LAMA2: variants seen among roughly 807,000 people sequenced by gnomAD.
LAMA2 encodes the protein laminin subunit alpha-2.
A neutral mutation model predicts 364.8 loss-of-function variants in LAMA2; 269 were observed. That is an observed-to-expected ratio of 0.74 (90% CI 0.67 to 0.82). The LOEUF is 0.82. Among genes scored for constraint, LAMA2 ranks in the 40% least tolerant of loss-of-function variants. LAMA2 has a pLI of 0.00. For synonymous variants in LAMA2, 1,379 were observed against 1,370.6 expected, an observed-to-expected ratio of 1.01 and a Z score of -0.14; for missense variants, 3,807 against 3,873.2, an observed-to-expected ratio of 0.98 and a Z score of 0.45.
chr6:129,353,266 CA>C lies in LAMA2; in HGVS notation c.4627del (p.Thr1543GlnfsTer52), dbSNP rs1562486561. 1 of 1,614,028 alleles carries C rather than the reference CA, an allele frequency of 6.2e-7. No homozygotes were observed. The highest frequency in any genetic ancestry group is 8.5e-7 in the Non-Finnish European group (1 of 1,179,948). Reference sequence around the variant, plus strand: ...CACTGCCTGTGCCCTGTGACCCTGTCACAGGATTCTGCACGTGCCGACCTGG... The same window carrying C: ...CACTGCCTGTGCCCTGTGACCCTGTCCAGGATTCTGCACGTGCCGACCTGG... ...GSLPVPCDPV[T>X]GFCTCRPGAT... On this transcript the variant is annotated frameshift_variant, in exon 32 of 65. Transcript: ENST00000421865. LOFTEE classifies it high-confidence loss of function.
intron 12 of LAMA2, among the ~76,000 whole-genome samples, chr6:129,205,478 G>GTATATATATATATATA (rs749614184): frequency 0.014 from 1,657 of 115,412 alleles, 67 homozygotes; most frequent in African/African-American, 0.068. Flanking sequence ...TATTCTGTAA[G>GTATATATATATATATA]TATATATATA....
chr6:129,508,159 C>A (rs1228989822), intron 62 of LAMA2, among the ~76,000 whole-genome samples: 3 of 152,190 alleles, frequency 2.0e-5, no homozygotes, highest in Non-Finnish European at 4.4e-5. Flanking sequence ...GGTTTTATAT[C>A]ACTGGTCATG....
chr6:129,088,792 G>A (rs1774598755), intron 3 of LAMA2, among the ~76,000 whole-genome samples: 1 of 152,092 alleles, frequency 6.6e-6, no homozygotes, highest in Non-Finnish European at 1.5e-5. Context: ...TTCCTAGACG[G>A]GATGGCGGTC....
At chr6:129,014,932 G>A (rs544621291) in intron 1 of LAMA2, among the ~76,000 whole-genome samples, 60 of 151,828 alleles carry the variant, frequency 4.0e-4, no homozygotes, top group Admixed American at 9.2e-4. Context: ...AGTATATCAC[G>A]TATTATATTT....
At chr6:129,379,078 A>G (rs1053835359) in intron 34 of LAMA2, among the ~76,000 whole-genome samples, 1 of 152,198 alleles carries the variant, frequency 6.6e-6, no homozygotes, top group African/African-American at 2.4e-5. Flanking sequence ...GAGCTGGAGG[A>G]CATTACCCTT....
intron 1 of LAMA2, among the ~76,000 whole-genome samples, chr6:128,905,193 T>C (rs772797954): frequency 6.6e-6 from 1 of 152,212 alleles, no homozygotes; most frequent in Admixed American, 6.5e-5. Flanking sequence ...AAATCAATCT[T>C]TGGGGTAACT....
intron 29 of LAMA2, among the ~76,000 whole-genome samples, chr6:129,341,457 C>A (rs1776263550): frequency 6.6e-6 from 1 of 152,156 alleles, no homozygotes; most frequent in South Asian, 2.1e-4. Context: ...CTTCCTTTTT[C>A]TCAACTCTCA....
At chr6:128,920,641 C>T (rs1778642618) in intron 1 of LAMA2, among the ~76,000 whole-genome samples, 1 of 150,302 alleles carries the variant, frequency 6.7e-6, no homozygotes, top group Non-Finnish European at 1.5e-5. Flanking sequence ...TCTCTAGGGC[C>T]TTATAAGTAT....
At chr6:129,502,941 A>G (rs2114889977) in intron 59 of LAMA2, 150 bp from the exon 60 acceptor site, 2 of 906,404 alleles carry the variant, frequency 2.2e-6, no homozygotes, top group Non-Finnish European at 3.5e-6. Flanking sequence ...GAGGAGCCCA[A>G]TTTAGGAAAT....
chr6:129,474,878 T>G (rs1339046331), intron 52 of LAMA2, among the ~76,000 whole-genome samples: 1 of 152,168 alleles, frequency 6.6e-6, no homozygotes, highest in Non-Finnish European at 1.5e-5. Flanking sequence ...GGCACATTAT[T>G]TCAAAACAGC....
chr6:129,204,140 A>G (rs1782471116), intron 12 of LAMA2, among the ~76,000 whole-genome samples: 1 of 152,254 alleles, frequency 6.6e-6, no homozygotes. Context: ...CGTAGATTAT[A>G]TGCCTTTAAT....
intron 1 of LAMA2, among the ~76,000 whole-genome samples, chr6:129,035,181 T>C (rs1193357829): frequency 6.6e-6 from 1 of 152,054 alleles, no homozygotes; most frequent in Non-Finnish European, 1.5e-5. Flanking sequence ...GCTATTCTAA[T>C]TTGTATGACT....
In LAMA2 at chr6:129,403,768, C is replaced by T; in HGVS notation, c.5727-53C>T. 3.9e-6 allele frequency: 6 copies of T among 1,551,588 alleles called. No homozygotes were observed. The South Asian group carries it at 5.6e-5, about 14-fold the overall frequency. On this transcript the variant is annotated intron_variant, in intron 39 of 64. Transcript: ENST00000421865. ...GATTTCATATAATTAGGACGTTCTT[C>T]ATTTGAGTACCATTGAGTGCCCTGA...
At chr6:129,508,371 T>TCAAA (rs1311396159) in intron 62 of LAMA2, among the ~76,000 whole-genome samples, 1 of 152,166 alleles carries the variant, frequency 6.6e-6, no homozygotes, top group Non-Finnish European at 1.5e-5. Context: ...CCTTTATGTT[T>TCAAA]CAAACAATCT....
At chr6:129,054,730 A>G (rs1788347242) in intron 2 of LAMA2, among the ~76,000 whole-genome samples, 1 of 148,646 alleles carries the variant, frequency 6.7e-6, no homozygotes, top group Non-Finnish European at 1.5e-5. Context: ...TACACATATA[A>G]GTATAAATAT....
intron 1 of LAMA2, among the ~76,000 whole-genome samples, chr6:128,948,338 A>G (rs1780606671): frequency 6.6e-6 from 1 of 152,142 alleles, no homozygotes. Context: ...GGTCCTGTGA[A>G]GAGGCTTAGT....
intron 37 of LAMA2, among the ~76,000 whole-genome samples, chr6:129,393,871 T>C (rs1779461194): frequency 1.3e-5 from 2 of 152,174 alleles, no homozygotes; most frequent in African/African-American, 4.8e-5. Flanking sequence ...TGCGCTGTGT[T>C]CTATGCAAAT....
At chr6:129,339,571 G>A (rs1776141345) in intron 29 of LAMA2, among the ~76,000 whole-genome samples, 2 of 152,146 alleles carry the variant, frequency 1.3e-5, no homozygotes. Context: ...CAAGGTAAAT[G>A]TGGAGGAGAA....
rs528282286 is a variant in LAMA2 at position 129,238,028 on chromosome 6, G to A, written c.1783-12084G>A. On this transcript the variant is annotated intron_variant, in intron 12 of 64. Coordinates refer to ENST00000421865, the MANE Select transcript of LAMA2 (RefSeq NM_000426.4). The stretch of plus-strand genomic sequence containing the variant: ...CAAAAAAAAAAAAAAAGCCAGGCAT[G>A]GTGGTGCACACCTATAATTCCAGCT... Among the ~76,000 whole-genome samples, 75 of 149,676 alleles carry A rather than the reference G, an allele frequency of 5.0e-4. No individual in the cohort carries two copies. In the Middle Eastern group the frequency reaches 0.014, roughly 28 times the overall value.
Sources: allele counts gnomAD v4.1 joint callset (sites outside exome capture counted in the v4.1 genomes callset), GRCh38; gene constraint gnomAD v4.1.1; transcripts MANE v1.5; gene names NCBI Gene and HGNC (gene_info 2026-07-23, HGNC 2026-07-21).